Variants in IQSEC1 observed in about 807,000 individuals in gnomAD.
The protein encoded by IQSEC1 is IQ motif and SEC7 domain-containing protein 1.
A neutral mutation model predicts 91.0 loss-of-function variants in IQSEC1; 31 were observed. That is an observed-to-expected ratio of 0.34 (90% CI 0.26 to 0.46). IQSEC1 has a LOEUF of 0.46. Ranked by LOEUF, IQSEC1 falls within the 20% of genes least tolerant of loss-of-function variation. IQSEC1 has a pLI of 1.00. For missense variants in IQSEC1, 1,388 were observed against 1,575.6 expected (o/e 0.88, Z 2.02); for synonymous variants, 699 against 662.6 (o/e 1.05, Z -0.84).
intron 2 of IQSEC1, among the ~76,000 whole-genome samples, chr3:13,119,774 G>T (rs1217645969): frequency 5.3e-5 from 8 of 152,236 alleles, no homozygotes; most frequent in Non-Finnish European, 1.5e-5. Flanking sequence ...CCAAGGATAG[G>T]CGGCAGGAGA....
At chr3:13,069,619 G>C (rs886535501) in intron 1 of IQSEC1, among the ~76,000 whole-genome samples, 3 of 152,206 alleles carry the variant, frequency 2.0e-5, no homozygotes, top group African/African-American at 7.2e-5. Flanking sequence ...GTGAATGAAT[G>C]ATTGAACAGG....
intron 1 of IQSEC1, among the ~76,000 whole-genome samples, chr3:13,234,379 G>A (rs1000042867): frequency 9.0e-6 from 1 of 110,632 alleles, no homozygotes; most frequent in Admixed American, 8.6e-5. Context: ...ATGTCCATGT[G>A]AGCCTGGGCA....
Position 12,935,203 on chromosome 3 carries a change from A to G in IQSEC1, c.1568+245T>C, listed in dbSNP as rs1698059647. On this transcript the variant is annotated intron_variant, in intron 3 of 13. Transcript: ENST00000613206. The surrounding 1 kb of genome is among the most constrained non-coding windows in gnomAD (Gnocchi z 8.0). ...CGGGACTCAAGTTGCTTCGGCACAGAAAGCTCCCATTCTGCCCCTGCTCAG... is the reference window on the plus strand; with the variant it reads ...CGGGACTCAAGTTGCTTCGGCACAGGAAGCTCCCATTCTGCCCCTGCTCAG... Among the ~76,000 whole-genome samples, 2 of 152,198 alleles carry G rather than the reference A, an allele frequency of 1.3e-5. No individual in the cohort carries two copies. Among genetic ancestry groups the G allele is most frequent in the South Asian group, 2.1e-4 (1 of 4,836 alleles).
intron 1 of IQSEC1, among the ~76,000 whole-genome samples, chr3:12,987,385 T>C (rs943212214): frequency 6.6e-6 from 1 of 152,172 alleles, no homozygotes; most frequent in Admixed American, 6.5e-5. Flanking sequence ...CCGGGCCACC[T>C]GGGAATGGGT....
chr3:13,282,052 G>A lies in IQSEC1; in HGVS notation c.272+659C>T, dbSNP rs1437138758. 6.6e-6 allele frequency among the ~76,000 whole-genome samples: 1 copy of A among 152,196 alleles called. No homozygotes were observed. Among genetic ancestry groups the A allele is most frequent in the African/African-American group, 2.4e-5 (1 of 41,458 alleles). On this transcript the variant is annotated intron_variant, in intron 1 of 15. Transcript: ENST00000648114. This position sits in a 1 kb window ranked among gnomAD's most constrained non-coding sequence, Gnocchi z 6.4. ...GCCGGTAGGGACGCTGGGGTCCAGG[G>A]CTGCTGGACAGCCCCGCCCTGTACC...
chr3:13,057,289 C>A (rs1235740300), intron 1 of IQSEC1, among the ~76,000 whole-genome samples: 2 of 152,204 alleles, frequency 1.3e-5, no homozygotes, highest in East Asian at 3.9e-4. Context: ...CAGACCTGAG[C>A]CCCTGACCTA....
At chr3:12,981,603 T>C (rs1701466283) in intron 1 of IQSEC1, among the ~76,000 whole-genome samples, 1 of 152,218 alleles carries the variant, frequency 6.6e-6, no homozygotes, top group Non-Finnish European at 1.5e-5. Flanking sequence ...TAAATAAACA[T>C]GTTAGAAACA....
chr3:13,238,402 T>C lies in IQSEC1; in HGVS notation c.272+44309A>G, dbSNP rs188294168. Reference sequence around the variant, plus strand: ...CACTTGCCATTCCCTCTGCCAGGAATGCTCTCCCCAGAACCCCAGGGCTCA... The same window carrying C: ...CACTTGCCATTCCCTCTGCCAGGAACGCTCTCCCCAGAACCCCAGGGCTCA... On this transcript the variant is annotated intron_variant, in intron 1 of 15. Transcript: ENST00000648114. Among the ~76,000 whole-genome samples the C allele has an allele frequency of 1.4e-3, 212 of 152,290 alleles. 1 individual carries two copies. Among genetic ancestry groups the C allele is most frequent in the African/African-American group, 4.8e-3 (199 of 41,548 alleles).
chr3:13,026,091 C>T (rs761280987), intron 1 of IQSEC1, among the ~76,000 whole-genome samples: 2 of 152,218 alleles, frequency 1.3e-5, no homozygotes, highest in Non-Finnish European at 2.9e-5. Flanking sequence ...GCGGCCCTGG[C>T]AGGAGGTCAG....
At chr3:13,037,937 T>A (rs999866573) in intron 1 of IQSEC1, among the ~76,000 whole-genome samples, 4 of 152,114 alleles carry the variant, frequency 2.6e-5, no homozygotes, top group Admixed American at 6.6e-5. Context: ...TGGGAATGAT[T>A]GCACAATAAC....
intron 1 of IQSEC1, 151 bp from the exon 2 acceptor site, chr3:12,942,016 A>G: frequency 2.8e-6 from 2 of 721,374 alleles, no homozygotes; most frequent in Non-Finnish European, 4.4e-6. Context: ...TGCAGCTGGC[A>G]GGACCCTGCA....
intron 1 of IQSEC1, among the ~76,000 whole-genome samples, chr3:13,271,550 C>G (rs1482071270): frequency 6.6e-6 from 1 of 152,130 alleles, no homozygotes; most frequent in Non-Finnish European, 1.5e-5. Flanking sequence ...AATTCCAGAA[C>G]TTTGGGAGGC....
chr3:13,045,567 A>G (rs954228450), intron 1 of IQSEC1, among the ~76,000 whole-genome samples: 3 of 152,212 alleles, frequency 2.0e-5, no homozygotes, highest in Admixed American at 6.5e-5. Flanking sequence ...AGGGCTGTGC[A>G]GTGAGACCCA....
chr3:12,966,667 G>C (rs1009078875), intron 1 of IQSEC1, among the ~76,000 whole-genome samples: 3 of 152,058 alleles, frequency 2.0e-5, no homozygotes, highest in African/African-American at 7.3e-5. Context: ...ACCACACCAG[G>C]TGCACACGCA....
chr3:12,930,188 C>T (rs1575945758), intron 3 of IQSEC1, among the ~76,000 whole-genome samples: 1 of 151,928 alleles, frequency 6.6e-6, no homozygotes, highest in Admixed American at 6.6e-5. Flanking sequence ...GGTTCTCTCT[C>T]TCTCTTTTAA....
chr3:13,052,066 T>C (rs911387658), intron 1 of IQSEC1, among the ~76,000 whole-genome samples: 1 of 152,200 alleles, frequency 6.6e-6, no homozygotes, highest in Admixed American at 6.5e-5. Context: ...CCACTGGGCC[T>C]ATGGGGACTT....
At position 12,901,516 on chromosome 3, in the gene IQSEC1, T is replaced by G; in HGVS notation, c.2812A>C (p.Ile938Leu). 1 of 1,549,078 alleles carries G rather than the reference T, an allele frequency of 6.5e-7. No homozygotes were observed. The highest frequency in any genetic ancestry group is 8.7e-7 in the Non-Finnish European group (1 of 1,146,384). ...CGGCGCATGTGAGGACTGCTAATGA[T>G]GGACCCCTAAAAAGGAAATTCATAG... Reference protein sequence around the residue: ...GSLESNVEGSIISSPHMRRRA... With the variant: ...GSLESNVEGSLISSPHMRRRA... Residue 938 changes from isoleucine (I) to leucine (L), a missense_variant, in exon 14 of 14, where the codon ATC (isoleucine) becomes CTC (leucine). Ile to Leu is a conservative substitution (Grantham distance 5, BLOSUM62 2). Transcript: ENST00000613206.
intron 1 of IQSEC1, among the ~76,000 whole-genome samples, chr3:12,944,557 C>T (rs1039573539): frequency 1.3e-5 from 2 of 152,204 alleles, no homozygotes; most frequent in African/African-American, 2.4e-5. Flanking sequence ...CACCTCCCTC[C>T]GGCTCGCCTC....
chr3:13,133,583 C>G (rs2004976), intron 2 of IQSEC1, among the ~76,000 whole-genome samples: 44,432 of 152,158 alleles, frequency 0.29, 6,723 homozygotes, highest in South Asian at 0.47. Flanking sequence ...TGCTGAAGGG[C>G]CACTGCTGCA....
Sources: allele counts gnomAD v4.1 joint callset (sites outside exome capture counted in the v4.1 genomes callset), GRCh38; gene constraint gnomAD v4.1.1; non-coding constraint Gnocchi (gnomAD v3.1); transcripts MANE v1.5; gene names NCBI Gene and HGNC (gene_info 2026-07-23, HGNC 2026-07-21).